DLEU7: variants seen among roughly 807,000 people sequenced by gnomAD.
DLEU7 encodes leukemia-associated protein 7.
Under a neutral mutation model 16.0 loss-of-function variants are expected in DLEU7, and 17 were observed. That is an observed-to-expected ratio of 1.06 (90% CI 0.73 to 1.59). The LOEUF (loss-of-function observed/expected upper bound fraction) is 1.59, where lower values mean the gene tolerates loss of function less well. Ranked by LOEUF, DLEU7 falls within the 40% of genes most tolerant of loss-of-function variation. The pLI, the probability that DLEU7 is intolerant of heterozygous loss-of-function variation, is 0.00. For missense variants in DLEU7, 308 were observed against 314.9 expected (o/e 0.98, Z 0.17); for synonymous variants, 113 against 139.8 (o/e 0.81, Z 1.35).
intron 1 of DLEU7, among the ~76,000 whole-genome samples, chr13:50,813,744 G>T (rs2137793027): frequency 6.6e-6 from 1 of 152,102 alleles, no homozygotes; most frequent in South Asian, 2.1e-4. Flanking sequence ...ATTAGTGAGG[G>T]ATTACCAATC....
chr13:50,821,408 A>G (rs747454025), downstream of DLEU7, among the ~76,000 whole-genome samples: 1 of 152,202 alleles, frequency 6.6e-6, no homozygotes. Context: ...TGTAGATGCT[A>G]TGCAACATAC....
In DLEU7 at chr13:50,762,288, C is replaced by T. The variant is rs8000345; in HGVS notation, c.460-49048G>A. ...TTAGTTCTGTGTCTTCCCAGGGTTT[C>T]TGACTATGCAATGTTTGGGGATTAC... On this transcript the variant is annotated intron_variant, in intron 1 of 1. Coordinates refer to the DLEU7 transcript ENST00000400393. Among the ~76,000 whole-genome samples the T allele has an allele frequency of 5.7e-3, 859 of 151,176 alleles. 8 individuals are homozygous for T. Among genetic ancestry groups the T allele is most frequent in the African/African-American group, 0.02 (828 of 41,202 alleles).
intron 1 of DLEU7, among the ~76,000 whole-genome samples, chr13:50,787,738 C>T (rs529141257): frequency 3.3e-5 from 5 of 151,462 alleles, no homozygotes; most frequent in African/African-American, 1.2e-4. Flanking sequence ...CAATGACCTA[C>T]TACCTACATA....
rs773025288 is a variant in DLEU7, at chr13:50,843,188, C to T, written c.459G>A (p.Lys153=). 2 of 1,591,866 alleles carry T rather than the reference C, an allele frequency of 1.3e-6. No homozygotes were observed. Among genetic ancestry groups the T allele is most frequent in the Non-Finnish European group, 1.7e-6 (2 of 1,170,060 alleles). The change falls in exon 1 of 2, where the codon AAG becomes AAA. Residue 153 remains lysine (K), a splice_region_variant and synonymous_variant. Transcript: ENST00000504404. This position sits in a 1 kb window ranked among gnomAD's most constrained non-coding sequence, Gnocchi z 5.7. ...QQERSFPIHL[K]DSVEFRNICS... is the part of the protein sequence containing the mutation. ...AGGGGATGGCGGGGGCCAGACTCAC[C>T]TTCAGGTGAATGGGAAAGGACCGCT... is the stretch of plus-strand genomic sequence containing the variant.
At chr13:50,767,201 A>T (rs1875140931) in intron 1 of DLEU7, among the ~76,000 whole-genome samples, 1 of 152,068 alleles carries the variant, frequency 6.6e-6, no homozygotes, top group South Asian at 2.1e-4. Context: ...CACGCCTGTA[A>T]TCCCAGCACT....
At chr13:50,840,552 A>C (rs553022275) in intron 1 of DLEU7, among the ~76,000 whole-genome samples, 2 of 152,208 alleles carry the variant, frequency 1.3e-5, no homozygotes, top group Non-Finnish European at 2.9e-5. Flanking sequence ...AGACTCCAGT[A>C]GTTGTATACT....
At chr13:50,729,063 C>T (rs1013142641) in intron 1 of DLEU7, among the ~76,000 whole-genome samples, 4 of 151,936 alleles carry the variant, frequency 2.6e-5, no homozygotes, top group African/African-American at 9.7e-5. Context: ...GAGACATGTG[C>T]AGGTTTGTCA....
intron 1 of DLEU7, among the ~76,000 whole-genome samples, chr13:50,717,796 G>A (rs918486626): frequency 2.0e-5 from 3 of 152,098 alleles, no homozygotes; most frequent in Non-Finnish European, 2.9e-5. Context: ...CTCCCTTTCT[G>A]TTTTAATGTA....
intron 1 of DLEU7, among the ~76,000 whole-genome samples, chr13:50,835,119 C>A (rs1339485982): frequency 6.6e-6 from 1 of 152,124 alleles, no homozygotes; most frequent in Non-Finnish European, 1.5e-5. Flanking sequence ...ATGCAGCAAA[C>A]CACCATGGCA....
chr13:50,745,909 A>C (rs1341485668), intron 1 of DLEU7, among the ~76,000 whole-genome samples: 1 of 152,188 alleles, frequency 6.6e-6, no homozygotes, highest in Non-Finnish European at 1.5e-5. Context: ...TAGTCATAGC[A>C]AGGCAAATTT....
chr13:50,796,064 GAT>G (rs199671952), intron 1 of DLEU7, among the ~76,000 whole-genome samples: 1 of 135,054 alleles, frequency 7.4e-6, no homozygotes. Flanking sequence ...ATACCACCAG[GAT>G]ATATATAATA....
chr13:50,815,032 G>A (rs1876688871), intron 1 of DLEU7, among the ~76,000 whole-genome samples: 1 of 151,918 alleles, frequency 6.6e-6, no homozygotes, highest in East Asian at 1.9e-4. Flanking sequence ...AAAAAATGGA[G>A]ATATAGTTAT....
intron 1 of DLEU7, among the ~76,000 whole-genome samples, chr13:50,789,941 CTTTCTT>C (rs1566251961): frequency 4.4e-5 from 6 of 136,930 alleles, no homozygotes; most frequent in African/African-American, 1.2e-4. Flanking sequence ...TTCTTTCTTT[CTTTCTT>C]TTTTTTTTTT....
chr13:50,737,768 T>C (rs1019951197), intron 1 of DLEU7, among the ~76,000 whole-genome samples: 1 of 152,124 alleles, frequency 6.6e-6, no homozygotes, highest in Non-Finnish European at 1.5e-5. Context: ...TTAGTAACCC[T>C]ACAGTGGCCT....
At chr13:50,773,570 G>C (rs1373271321) in intron 1 of DLEU7, among the ~76,000 whole-genome samples, 2 of 152,022 alleles carry the variant, frequency 1.3e-5, no homozygotes, top group Non-Finnish European at 2.9e-5. Flanking sequence ...GTCCACTCCA[G>C]ACCCTGTTTG....
At chr13:50,766,690 G>C (rs979664849) in intron 1 of DLEU7, among the ~76,000 whole-genome samples, 3 of 152,088 alleles carry the variant, frequency 2.0e-5, no homozygotes, top group Non-Finnish European at 4.4e-5. Flanking sequence ...AACTGTTCAT[G>C]AGAAATCCCT....
chr13:50,718,967 T>A (rs1384325870), intron 1 of DLEU7, among the ~76,000 whole-genome samples: 1 of 152,118 alleles, frequency 6.6e-6, no homozygotes, highest in Non-Finnish European at 1.5e-5. Context: ...TGTAATGAGG[T>A]CTTCCCATTA....
chr13:50,765,729 T>C (rs1244251671), intron 1 of DLEU7, among the ~76,000 whole-genome samples: 1 of 150,668 alleles, frequency 6.6e-6, no homozygotes, highest in African/African-American at 2.4e-5. Context: ...TCAGCAAAAG[T>C]TTTGAACCCC....
At chr13:50,791,416 G>T (rs1363714919) in intron 1 of DLEU7, among the ~76,000 whole-genome samples, 1 of 152,198 alleles carries the variant, frequency 6.6e-6, no homozygotes, top group Non-Finnish European at 1.5e-5. Context: ...GCAGGTGGGT[G>T]AGAAAAGCCA....
Sources: allele counts gnomAD v4.1 joint callset (sites outside exome capture counted in the v4.1 genomes callset), GRCh38; gene constraint gnomAD v4.1.1; non-coding constraint Gnocchi (gnomAD v3.1); transcripts MANE v1.5; gene names NCBI Gene and HGNC (gene_info 2026-07-23, HGNC 2026-07-21).